The following INO80D variants were observed in gnomAD, a reference collection of about 807,000 sequenced individuals.
INO80D encodes INO80 complex subunit D.
In INO80D, 21 loss-of-function variants were observed where a neutral mutation model predicts 87.6. The ratio of observed to expected loss-of-function variants is 0.24; its 90% confidence interval spans 0.17 to 0.35. The LOEUF is 0.35. Ranked by LOEUF, INO80D falls within the 10% of genes least tolerant of loss-of-function variation. The pLI is 1.00. For synonymous variants in INO80D, 440 were observed against 491.0 expected, an observed-to-expected ratio of 0.90 and a Z score of 1.37; for missense variants, 982 against 1,280.7, an observed-to-expected ratio of 0.77 and a Z score of 3.56.
intron 7 of INO80D, among the ~76,000 whole-genome samples, chr2:206,018,641 C>T (rs1029465388): frequency 2.0e-5 from 3 of 152,274 alleles, no homozygotes; most frequent in South Asian, 2.1e-4. Context: ...TCACTATTGG[C>T]CAGGCACAGT....
intron 6 of INO80D, among the ~76,000 whole-genome samples, chr2:206,022,503 T>C (rs1196238959): frequency 6.6e-6 from 1 of 152,228 alleles, no homozygotes; most frequent in Non-Finnish European, 1.5e-5. Flanking sequence ...AAAAATCTAC[T>C]ACAGGATTCC....
rs767412053 is a variant in INO80D at position 206,017,832 on chromosome 2, G to A, written c.1409-19C>T. ...AGGATATCTGGGTTTTTTTAAGTTAGGAGTAAAATACACTGAAACTCTAAT... is the reference window on the plus strand; with the variant it reads ...AGGATATCTGGGTTTTTTTAAGTTAAGAGTAAAATACACTGAAACTCTAAT... On this transcript the variant is annotated intron_variant, in intron 7 of 10. Transcript: ENST00000403263. 1.9e-6 allele frequency: 3 copies of A among 1,586,120 alleles called. No individual in the cohort carries two copies. The highest frequency in any genetic ancestry group is 2.2e-5 in the East Asian group (1 of 44,672).
In INO80D at chr2:206,004,245, G is replaced by A. The variant is rs990709072; in HGVS notation, c.*123C>T. 3.7e-5 allele frequency: 33 copies of A among 881,286 alleles called. No individual in the cohort carries two copies. The Admixed American group carries it at 8.1e-4, about 22-fold the overall frequency. The allele number at this position is 881,286 out of a possible 1,614,324, so 54.6% of individuals were successfully genotyped here. A position where few individuals can be genotyped will look rare whatever the true frequency, so the allele number is the denominator to read the frequency against. On this transcript the variant is annotated 3_prime_UTR_variant, in exon 11 of 11. Coordinates refer to ENST00000403263, the MANE Select transcript of INO80D (RefSeq NM_017759.5). The surrounding 1 kb of genome is among the most constrained non-coding windows in gnomAD (Gnocchi z 4.9). The stretch of plus-strand genomic sequence containing the variant: ...CAGGGCCACTCATTGAACTGGGAAG[G>A]GGGGTGCCCCTCTGATCCCCATCTG...
Position 206,003,684 on chromosome 2 carries a change from G to A in INO80D, c.*684C>T, listed in dbSNP as rs1687945066. 6.5e-6 allele frequency: 1 copy of A among 152,804 alleles called. No individual in the cohort carries two copies. The highest frequency in any genetic ancestry group is 1.5e-5 in the Non-Finnish European group (1 of 68,566). 9.5% of individuals were successfully genotyped at this position (152,804 alleles called of 1,614,324 possible). A position where few individuals can be genotyped will look rare whatever the true frequency, so the allele number is the denominator to read the frequency against. On this transcript the variant is annotated 3_prime_UTR_variant, in exon 11 of 11. Coordinates refer to ENST00000403263, the MANE Select transcript of INO80D (RefSeq NM_017759.5). ...ATTAGGACTGTGAGATGTAGGACAG[G>A]AGAAAAGTAAGAGTTTTATACTCAT...
intron 1 of INO80D, among the ~76,000 whole-genome samples, chr2:206,066,867 A>G (rs1272699734): frequency 1.3e-5 from 2 of 152,134 alleles, no homozygotes; most frequent in Admixed American, 6.6e-5. Flanking sequence ...ACTAGAAGAC[A>G]TTATCTTAAG....
At chr2:206,046,673 TA>T in intron 4 of INO80D, 61 bp from the exon 5 acceptor site, 2 of 1,098,528 alleles carry the variant, frequency 1.8e-6, no homozygotes, top group African/African-American at 3.1e-5. Context: ...AAATTTAAAC[TA>T]AAAAGCTACA....
Position 206,078,521 on chromosome 2 carries a change from G to A in INO80D, c.-124+7380C>T, listed in dbSNP as rs538870915. 2.0e-5 allele frequency among the ~76,000 whole-genome samples: 3 copies of A among 152,266 alleles called. No homozygotes were observed. The East Asian group carries it at 5.8e-4, about 29-fold the overall frequency. On this transcript the variant is annotated intron_variant, in intron 1 of 10. Coordinates refer to ENST00000403263, the MANE Select transcript of INO80D (RefSeq NM_017759.5). Reference sequence around the variant, plus strand: ...AACTTTTGAACATATGAAGGCCGGGGGTGGTGACTCACACCTGTAATTCCA... The same window carrying A: ...AACTTTTGAACATATGAAGGCCGGGAGTGGTGACTCACACCTGTAATTCCA...
chr2:206,084,162 A>G (rs1690364159), intron 1 of INO80D, among the ~76,000 whole-genome samples: 1 of 151,384 alleles, frequency 6.6e-6, no homozygotes, highest in Non-Finnish European at 1.5e-5. Flanking sequence ...GTGTGTGTGT[A>G]TGAATATATA....
At chr2:206,071,615 T>G (rs1393382745) in intron 1 of INO80D, among the ~76,000 whole-genome samples, 1 of 150,098 alleles carries the variant, frequency 6.7e-6, no homozygotes, top group African/African-American at 2.5e-5. Context: ...TTCTCAAGCT[T>G]GCTTCCATTA....
intron 8 of INO80D, among the ~76,000 whole-genome samples, chr2:206,013,551 CAA>C (rs201436038): frequency 1.3e-4 from 16 of 122,798 alleles, no homozygotes; most frequent in East Asian, 2.2e-4. Flanking sequence ...GACTCCATCT[CAA>C]AAAAAAAAAA....
intron 5 of INO80D, among the ~76,000 whole-genome samples, chr2:206,035,738 A>T (rs1427001318): frequency 6.6e-6 from 1 of 152,224 alleles, no homozygotes; most frequent in Non-Finnish European, 1.5e-5. Context: ...GGACGTAATT[A>T]AACTAAAGAG....
chr2:206,066,082 A>G (rs1253382365), intron 1 of INO80D, among the ~76,000 whole-genome samples: 2 of 152,168 alleles, frequency 1.3e-5, no homozygotes, highest in South Asian at 4.2e-4. Context: ...CAACATGGCA[A>G]AATCCTGTTT....
intron 8 of INO80D, among the ~76,000 whole-genome samples, chr2:206,016,956 C>T (rs960185577): frequency 7.2e-5 from 11 of 152,188 alleles, no homozygotes; most frequent in Non-Finnish European, 1.6e-4. Context: ...TGCCCAGTCT[C>T]AGGTATGTCT....
chr2:206,043,392 G>C (rs1380699264), intron 5 of INO80D, among the ~76,000 whole-genome samples: 2 of 151,872 alleles, frequency 1.3e-5, no homozygotes, highest in East Asian at 3.9e-4. Context: ...GGCTGGTCTC[G>C]AACTCCTGAC....
chr2:206,011,639 G>A (rs1029736594), intron 8 of INO80D, among the ~76,000 whole-genome samples: 1 of 152,180 alleles, frequency 6.6e-6, no homozygotes, highest in Admixed American at 6.5e-5. Flanking sequence ...TGACAGCCGG[G>A]ACTTCCTGCA....
At chr2:206,013,257 A>G (rs1218526158) in intron 8 of INO80D, among the ~76,000 whole-genome samples, 3 of 152,164 alleles carry the variant, frequency 2.0e-5, no homozygotes, top group African/African-American at 7.2e-5. Context: ...CATTCACATA[A>G]TAATGGTTAT....
intron 5 of INO80D, 53 bp from the exon 6 acceptor site, chr2:206,028,388 T>G: frequency 7.1e-7 from 1 of 1,401,906 alleles, no homozygotes; most frequent in Non-Finnish European, 9.8e-7. Flanking sequence ...AGGCTCATTT[T>G]AGACAGGGTA....
At position 206,028,242 on chromosome 2, in the gene INO80D, C is replaced by A. The variant is rs749332852; in HGVS notation, c.1167G>T (p.Glu389Asp). The change falls in exon 6 of 11, where the codon GAG becomes GAT. Residue 389 changes from glutamate (E) to aspartate (D), a missense_variant. By Grantham distance (45) the Glu-to-Asp change is conservative. Transcript: ENST00000403263. ...ATTTCTTTTGACGAGATTCTGCCCGCTCCAGGCGGCAGAGGTGCTTATATT... is the reference window on the plus strand; with the variant it reads ...ATTTCTTTTGACGAGATTCTGCCCGATCCAGGCGGCAGAGGTGCTTATATT... ...QQKYKHLCRL[E>D]RAESRQKKCR... is the part of the protein sequence containing the mutation. The A allele has an allele frequency of 3.1e-6, 5 of 1,613,864 alleles. No homozygotes were observed. The highest frequency in any genetic ancestry group is 3.4e-6 in the Non-Finnish European group (4 of 1,179,772).
At chr2:206,079,873 A>G (rs959442787) in intron 1 of INO80D, among the ~76,000 whole-genome samples, 6 of 152,164 alleles carry the variant, frequency 3.9e-5, no homozygotes, top group African/African-American at 1.4e-4. Flanking sequence ...CAGAACCACA[A>G]TTTGCAACAC....
Sources: gnomAD v4.1 joint callset for allele counts (sites outside exome capture counted in the v4.1 genomes callset) on GRCh38, gnomAD v4.1.1 for gene constraint, Gnocchi (gnomAD v3.1) non-coding constraint, MANE v1.5 for transcripts, NCBI Gene and HGNC (gene_info 2026-07-23, HGNC 2026-07-21) for gene names.